LRP1B: variants seen among roughly 807,000 people sequenced by gnomAD.
LRP1B encodes the protein LDL receptor related protein 1B.
Under a neutral mutation model 556.6 loss-of-function variants are expected in LRP1B, and 217 were observed. The ratio of observed to expected loss-of-function variants is 0.39; its 90% CI spans 0.35 to 0.44. LRP1B has a LOEUF of 0.44. Among genes scored for constraint, LRP1B ranks in the 20% least tolerant of loss-of-function variants. The pLI is 1.00. For synonymous variants in LRP1B, 2,047 were observed against 1,865.8 expected (o/e 1.10, Z -2.50); for missense variants, 5,053 against 5,620.8 (o/e 0.90, Z 3.23).
intron 2 of LRP1B, among the ~76,000 whole-genome samples, chr2:141,574,074 A>T (rs1367953207): frequency 2.0e-5 from 3 of 151,904 alleles, no homozygotes; most frequent in Non-Finnish European, 4.4e-5. Flanking sequence ...AAAAGGGGGG[A>T]CTCCTCCCTA....
intron 1 of LRP1B, among the ~76,000 whole-genome samples, chr2:141,910,800 T>A (rs185970257): frequency 1.1e-3 from 165 of 152,158 alleles, no homozygotes; most frequent in East Asian, 7.4e-3. Context: ...CAATTTTTTT[T>A]AAAAAAGTAA....
intron 7 of LRP1B, among the ~76,000 whole-genome samples, chr2:141,138,350 C>T (rs915859654): frequency 4.0e-5 from 6 of 151,880 alleles, no homozygotes; most frequent in South Asian, 2.1e-4. Flanking sequence ...CCACTAAGAA[C>T]AGGAACAAGA....
chr2:140,717,612 A>T (rs1687258770), intron 35 of LRP1B, among the ~76,000 whole-genome samples: 1 of 152,158 alleles, frequency 6.6e-6, no homozygotes, highest in Non-Finnish European at 1.5e-5. Flanking sequence ...TTTTAAACAC[A>T]GCCACCAGAA....
At chr2:141,826,683 G>T (rs1486663901) in intron 1 of LRP1B, among the ~76,000 whole-genome samples, 1 of 151,948 alleles carries the variant, frequency 6.6e-6, no homozygotes, top group East Asian at 1.9e-4. Context: ...ATAGGTAATA[G>T]GTAAAATTAA....
chr2:141,727,688 CA>C (rs1472448218), intron 2 of LRP1B, among the ~76,000 whole-genome samples: 1 of 152,022 alleles, frequency 6.6e-6, no homozygotes, highest in East Asian at 1.9e-4. Flanking sequence ...GCCTCACAGC[CA>C]ATATTCATAT....
intron 66 of LRP1B, among the ~76,000 whole-genome samples, chr2:140,414,554 G>T (rs533392808): frequency 1.3e-5 from 2 of 152,084 alleles, no homozygotes; most frequent in African/African-American, 4.8e-5. Context: ...CAGGGACCCC[G>T]AATAGAGGGA....
At chr2:141,832,478 G>A (rs1247781628) in intron 1 of LRP1B, among the ~76,000 whole-genome samples, 1 of 151,404 alleles carries the variant, frequency 6.6e-6, no homozygotes, top group Non-Finnish European at 1.5e-5. Flanking sequence ...ATTTTCTCTG[G>A]TTCAAACTGT....
intron 2 of LRP1B, among the ~76,000 whole-genome samples, chr2:141,521,422 CCTTT>C (rs926696487): frequency 4.6e-5 from 7 of 151,812 alleles, no homozygotes; most frequent in East Asian, 3.9e-4. Context: ...CTTCTTTCTT[CCTTT>C]CTTTTTTCTC....
chr2:140,698,061 G>GA (rs961055717), intron 41 of LRP1B, among the ~76,000 whole-genome samples: 4 of 146,508 alleles, frequency 2.7e-5, no homozygotes, highest in African/African-American at 5.0e-5. Flanking sequence ...AAATAAAATG[G>GA]TTTTTTTTTT....
At chr2:141,681,267 T>C (rs1475185752) in intron 2 of LRP1B, among the ~76,000 whole-genome samples, 1 of 152,182 alleles carries the variant, frequency 6.6e-6, no homozygotes, top group East Asian at 1.9e-4. Context: ...CACTCCAGCC[T>C]GGGTGACGGA....
At chr2:141,229,068 G>T (rs1024245573) in intron 6 of LRP1B, 115 bp downstream of exon 6, 12 of 979,952 alleles carry the variant, frequency 1.2e-5, no homozygotes, top group Non-Finnish European at 1.9e-5. Flanking sequence ...CATTGTATTT[G>T]CACATACAGC....
chr2:141,400,126 G>A (rs938580986), intron 3 of LRP1B, among the ~76,000 whole-genome samples: 15 of 151,936 alleles, frequency 9.9e-5, no homozygotes, highest in African/African-American at 3.6e-4. Context: ...CATGCTGGGC[G>A]CATGCCACCA....
At chr2:141,357,575 T>A (rs1191033045) in intron 3 of LRP1B, among the ~76,000 whole-genome samples, 1 of 152,198 alleles carries the variant, frequency 6.6e-6, no homozygotes, top group Non-Finnish European at 1.5e-5. Flanking sequence ...AATTGTTTAA[T>A]AGAGTTTTAA....
In LRP1B at chr2:140,571,760, G is replaced by C. The variant is rs75718625; in HGVS notation, c.7194+26871C>G. On this transcript the variant is annotated intron_variant, in intron 43 of 90. Coordinates refer to ENST00000389484, the MANE Select transcript of LRP1B (RefSeq NM_018557.3). ...TCACAAAACCTAACTTCAAAATATAGTTGTAAAAATCCAAAACAGCATGCT... is the reference window on the plus strand; with the variant it reads ...TCACAAAACCTAACTTCAAAATATACTTGTAAAAATCCAAAACAGCATGCT... 2.0e-3 allele frequency among the ~76,000 whole-genome samples: 309 copies of C among 151,454 alleles called. 3 individuals are homozygous for C. Among genetic ancestry groups the C allele is most frequent in the Admixed American group, 4.1e-3 (63 of 15,196 alleles).
At chr2:140,258,724 G>T (rs369580402) in intron 86 of LRP1B, among the ~76,000 whole-genome samples, 2 of 151,982 alleles carry the variant, frequency 1.3e-5, no homozygotes, top group Admixed American at 6.6e-5. Context: ...AGCAATTTCC[G>T]TATTAAGATG....
intron 1 of LRP1B, among the ~76,000 whole-genome samples, chr2:141,911,742 T>C (rs1419008291): frequency 2.0e-5 from 3 of 152,162 alleles, no homozygotes; most frequent in Admixed American, 2.0e-4. Context: ...AATTCCTCTC[T>C]CTGGGCATTT....
chr2:140,835,478 A>G (rs1691867213), intron 31 of LRP1B, among the ~76,000 whole-genome samples: 1 of 152,018 alleles, frequency 6.6e-6, no homozygotes, highest in South Asian at 2.1e-4. Flanking sequence ...GCTCCAAGTC[A>G]CTATTCCTTT....
intron 71 of LRP1B, among the ~76,000 whole-genome samples, chr2:140,367,210 G>A (rs138551618): frequency 7.2e-5 from 11 of 151,802 alleles, no homozygotes; most frequent in African/African-American, 2.7e-4. Context: ...TGAGAGAGTT[G>A]CCTTTTTAAA....
intron 6 of LRP1B, among the ~76,000 whole-genome samples, chr2:141,201,790 C>G (rs185299208): frequency 1.1e-4 from 16 of 152,184 alleles, no homozygotes; most frequent in African/African-American, 3.9e-4. Flanking sequence ...AGATTCTGGA[C>G]TGAATACTTT....
Sources: gnomAD v4.1 joint callset for allele counts (sites outside exome capture counted in the v4.1 genomes callset) on GRCh38, gnomAD v4.1.1 for gene constraint, MANE v1.5 for transcripts, NCBI Gene and HGNC (gene_info 2026-07-23, HGNC 2026-07-21) for gene names.